CEP85L: variants seen among roughly 807,000 people sequenced by gnomAD.
CEP85L encodes centrosomal protein 85L, also known as centrosomal protein of 85 kDa-like.
A neutral mutation model predicts 100.3 loss-of-function variants in CEP85L; 60 were observed. That is an observed-to-expected ratio of 0.60 (90% CI 0.49 to 0.74). CEP85L has a LOEUF of 0.74. Among genes scored for constraint, CEP85L ranks in the 30% least tolerant of loss-of-function variants. The pLI, the probability that CEP85L is intolerant of heterozygous loss-of-function variation, is 0.00. For synonymous variants in CEP85L, 319 were observed against 322.7 expected (o/e 0.99, Z 0.12); for missense variants, 973 against 936.2 (o/e 1.04, Z -0.51).
intron 5 of CEP85L, chr6:118,502,363 C>A: frequency 1.9e-6 from 1 of 538,664 alleles, no homozygotes. Flanking sequence ...CAAGATTACC[C>A]ATATGTTAAG....
At chr6:118,513,592 A>G (rs1429016327) in intron 4 of CEP85L, among the ~76,000 whole-genome samples, 1 of 152,162 alleles carries the variant, frequency 6.6e-6, no homozygotes, top group Non-Finnish European at 1.5e-5. Flanking sequence ...AATTTTTGAC[A>G]TGAGAAAAAA....
intron 10 of CEP85L, among the ~76,000 whole-genome samples, chr6:118,478,475 C>G (rs891970137): frequency 3.9e-5 from 6 of 151,980 alleles, no homozygotes; most frequent in Non-Finnish European, 7.4e-5. Flanking sequence ...CTATAGATCT[C>G]TGTGTCTCTA....
intron 4 of CEP85L, among the ~76,000 whole-genome samples, chr6:118,522,111 A>G (rs1488301694): frequency 6.6e-6 from 1 of 152,178 alleles, no homozygotes; most frequent in Admixed American, 6.5e-5. Flanking sequence ...CTGTAATCCC[A>G]GCACTTGGGG....
At position 118,565,655 on chromosome 6, in the gene CEP85L, C is replaced by T. The variant is rs369425977; in HGVS notation, c.894G>A (p.Met298Ile). The T allele has an allele frequency of 1.2e-6, 2 of 1,614,102 alleles. No individual in the cohort carries two copies. Among genetic ancestry groups the T allele is most frequent in the African/African-American group, 2.7e-5 (2 of 74,936 alleles). Reference protein sequence around the residue: ...VPIQPSVRTQMWLTEQLRTNP... With the variant: ...VPIQPSVRTQIWLTEQLRTNP... Reference sequence around the variant, plus strand: ...TTGTCCGCAGCTGCTCTGTAAGCCACATCTGAGTCCTTACGGAAGGCTGAA... The same window carrying T: ...TTGTCCGCAGCTGCTCTGTAAGCCATATCTGAGTCCTTACGGAAGGCTGAA... The change falls in exon 3 of 13, where the codon ATG (methionine) becomes ATA (isoleucine). Residue 298 changes from methionine (M) to isoleucine (I), a missense_variant. This residue lies in a region of CEP85L where 890 missense variants were observed against 844.5 expected (regional missense o/e 1.05). Coordinates refer to ENST00000368491, the MANE Select transcript of CEP85L (RefSeq NM_001042475.3).
chr6:118,656,968 G>A (rs551076930), upstream of CEP85L: 3 of 152,304 alleles, frequency 2.0e-5, no homozygotes, highest in South Asian at 6.2e-4. Context: ...GAGTTGACTG[G>A]GAACTTGTCA....
At chr6:118,617,486 C>T (rs984180901) in intron 2 of CEP85L, among the ~76,000 whole-genome samples, 2 of 152,130 alleles carry the variant, frequency 1.3e-5, no homozygotes, top group African/African-American at 2.4e-5. Flanking sequence ...AAGCGTAAGT[C>T]GCAATTTCAG....
At chr6:118,677,061 C>T (rs1001118466) in intron 1 of CEP85L, among the ~76,000 whole-genome samples, 2 of 152,040 alleles carry the variant, frequency 1.3e-5, no homozygotes, top group African/African-American at 4.8e-5. Flanking sequence ...TGTTGTATTA[C>T]AGTAGAACAT....
intron 3 of CEP85L, among the ~76,000 whole-genome samples, chr6:118,532,557 T>C (rs1164266257): frequency 6.6e-6 from 1 of 152,114 alleles, no homozygotes; most frequent in African/African-American, 2.4e-5. Flanking sequence ...TAAATAAAAC[T>C]GTACTGTGTT....
In CEP85L at chr6:118,489,997, G is replaced by GCA. The variant is rs917764086; in HGVS notation, c.1437+1687_1437+1688dup. Among the ~76,000 whole-genome samples, 13 of 149,500 alleles carry GCA rather than the reference G, an allele frequency of 8.7e-5. No individual in the cohort carries two copies. In the South Asian group the frequency reaches 1.1e-3, roughly 12 times the overall value. Reference sequence around the variant, plus strand: ...TGTGTATATATATACACACACACACGCACACACACACACAAAATGGAATAT... The same window carrying GCA: ...TGTGTATATATATACACACACACACGCACACACACACACACAAAATGGAATAT... On this transcript the variant is annotated intron_variant, in intron 6 of 12. Transcript: ENST00000368491.
chr6:118,695,991 C>T lies in CEP85L; in HGVS notation c.-28+14045G>A, dbSNP rs550714036. The stretch of plus-strand genomic sequence containing the variant: ...AGTGTCAGACACAAATGTTAGGAGG[C>T]GGGGCATGGTGGTTCACGCCTGTAA... On this transcript the variant is annotated intron_variant, in intron 1 of 13. Coordinates refer to the CEP85L transcript ENST00000368488. Among the ~76,000 whole-genome samples, 66 of 152,200 alleles carry T rather than the reference C, an allele frequency of 4.3e-4. 1 individual carries two copies. The highest frequency in any genetic ancestry group is 1.5e-3 in the African/African-American group (61 of 41,520).
chr6:118,690,009 G>T (rs1180524150), intron 1 of CEP85L, among the ~76,000 whole-genome samples: 1 of 151,090 alleles, frequency 6.6e-6, no homozygotes, highest in African/African-American at 2.4e-5. Flanking sequence ...CTGCCTTGGT[G>T]TGCCAAAATG....
At position 118,565,767 on chromosome 6, in the gene CEP85L, T is replaced by C. The variant is rs1167352871; in HGVS notation, c.782A>G (p.Glu261Gly). 1 of 1,614,202 alleles carries C rather than the reference T, an allele frequency of 6.2e-7. No homozygotes were observed. The highest frequency in any genetic ancestry group is 2.2e-5 in the East Asian group (1 of 44,888). Residue 261 changes from glutamate to glycine, a missense_variant, in exon 3 of 13, where the codon GAA becomes GGA. By Grantham distance (98) the Glu-to-Gly change is moderately conservative. Coordinates refer to ENST00000368491, the MANE Select transcript of CEP85L (RefSeq NM_001042475.3). ...PVDMTYSALP[E>G]SKPIMTSSEA... The stretch of plus-strand genomic sequence containing the variant: ...TGAGCTTGTCATAATGGGCTTGCTT[T>C]CAGGTAAGGCACTATATGTCATGTC...
intron 1 of CEP85L, among the ~76,000 whole-genome samples, chr6:118,667,402 C>G (rs970007565): frequency 1.2e-4 from 18 of 152,050 alleles, no homozygotes; most frequent in African/African-American, 4.3e-4. Flanking sequence ...TGACAACTAG[C>G]AATATTTGGG....
rs1324979833 is a variant in CEP85L at position 118,572,646 on chromosome 6, T to A, written c.233-6330A>T. Among the ~76,000 whole-genome samples the A allele has an allele frequency of 4.6e-5, 7 of 152,312 alleles. No homozygotes were observed. The East Asian group carries it at 7.7e-4, about 17-fold the overall frequency. ...TTTAGGTAAATATATTTTAATATTCTAAACCACACACTGCTAGGAGTGGGG... is the reference window on the plus strand; with the variant it reads ...TTTAGGTAAATATATTTTAATATTCAAAACCACACACTGCTAGGAGTGGGG... On this transcript the variant is annotated intron_variant, in intron 2 of 12. Coordinates refer to ENST00000368491, the MANE Select transcript of CEP85L (RefSeq NM_001042475.3).
At chr6:118,480,644 C>T (rs1773710056) in intron 8 of CEP85L, 131 bp from the exon 9 acceptor site, 1 of 593,544 alleles carries the variant, frequency 1.7e-6, no homozygotes, top group Non-Finnish European at 3.0e-6. Context: ...GACCCACAGA[C>T]AGTATATGAA....
intron 3 of CEP85L, chr6:118,537,938 A>G (rs1777689083): frequency 4.1e-6 from 4 of 966,322 alleles, no homozygotes; most frequent in Non-Finnish European, 4.9e-6. Context: ...GGTAAGAGTC[A>G]TACCTTAACT....
At chr6:118,512,390 G>C (rs528912220) in intron 4 of CEP85L, among the ~76,000 whole-genome samples, 1 of 152,300 alleles carries the variant, frequency 6.6e-6, no homozygotes, top group African/African-American at 2.4e-5. Flanking sequence ...ACAGGGAACA[G>C]TGCTTCAGGG....
At chr6:118,537,722 G>A (rs1488724020) in intron 3 of CEP85L, 3 of 985,146 alleles carry the variant, frequency 3.0e-6, no homozygotes, top group Non-Finnish European at 2.4e-6. Context: ...TCTTTGGCCT[G>A]GACAAATACT....
chr6:118,478,417 T>C (rs1044142916), intron 10 of CEP85L, among the ~76,000 whole-genome samples: 1 of 152,112 alleles, frequency 6.6e-6, no homozygotes, highest in Non-Finnish European at 1.5e-5. Context: ...CAAATATAGC[T>C]ATTTTAGCCA....
Sources: allele counts gnomAD v4.1 joint callset (sites outside exome capture counted in the v4.1 genomes callset), GRCh38; gene constraint gnomAD v4.1.1; regional missense constraint gnomAD v4.1.1; transcripts MANE v1.5; gene names NCBI Gene and HGNC (gene_info 2026-07-23, HGNC 2026-07-21).